The following TRNP1 variants were observed in gnomAD, a reference collection of about 807,000 sequenced individuals.
The protein encoded by TRNP1 is TMF1 regulated nuclear protein 1.
In TRNP1, 16 loss-of-function variants were observed where a neutral mutation model predicts 12.2. The observed-to-expected ratio is 1.31, with a 90% confidence interval of 0.89 to 1.99. The LOEUF is 1.99. Among genes scored for constraint, TRNP1 ranks in the 30% most tolerant of loss-of-function variants. TRNP1 has a pLI of 0.00. For synonymous variants in TRNP1, 139 were observed against 166.2 expected, an observed-to-expected ratio of 0.84 and a Z score of 1.26; for missense variants, 338 against 330.4, an observed-to-expected ratio of 1.02 and a Z score of -0.18.
intron 1 of TRNP1, among the ~76,000 whole-genome samples, chr1:26,995,301 C>T (rs568835160): frequency 6.6e-6 from 1 of 152,332 alleles, no homozygotes; most frequent in East Asian, 1.9e-4. Context: ...ACTAAGATGG[C>T]TCGGCCAGGT....
rs2082568342 is a variant in TRNP1, at chr1:27,000,698, C to A, written c.*994C>A. The A allele has an allele frequency of 6.6e-6, 1 of 152,412 alleles. No individual in the cohort carries two copies. The highest frequency in any genetic ancestry group is 2.1e-4 in the South Asian group (1 of 4,836). The allele number at this position is 152,412 out of a possible 1,614,324, so 9.4% of individuals were successfully genotyped here. A position where few individuals can be genotyped will look rare whatever the true frequency, so the allele number is the denominator to read the frequency against. On this transcript the variant is annotated 3_prime_UTR_variant, in exon 2 of 2. Transcript: ENST00000522111. The stretch of plus-strand genomic sequence containing the variant: ...GTTCACTTTGCAAGTGCCCTTGCTG[C>A]CTTTCCTCTGTGTCTATTATGGCTC...
chr1:26,999,241 G>A (rs957838422), intron 1 of TRNP1, among the ~76,000 whole-genome samples: 5 of 152,082 alleles, frequency 3.3e-5, no homozygotes, highest in African/African-American at 1.2e-4. Context: ...AAAATTAGCC[G>A]GGCGTGGTGG....
intron 1 of TRNP1, among the ~76,000 whole-genome samples, chr1:26,998,491 C>T (rs1428988088): frequency 6.6e-6 from 1 of 152,148 alleles, no homozygotes; most frequent in Non-Finnish European, 1.5e-5. Context: ...AGCCTGCAGC[C>T]GCTCCCCTGT....
intron 1 of TRNP1, among the ~76,000 whole-genome samples, chr1:26,995,102 CA>C (rs1288903106): frequency 6.6e-6 from 1 of 152,212 alleles, no homozygotes; most frequent in Non-Finnish European, 1.5e-5. Context: ...GACGGAATCC[CA>C]GAGAGGTTTA....
At position 26,994,333 on chromosome 1, in the gene TRNP1, G is replaced by C; in HGVS notation, c.547G>C (p.Ala183Pro). The change falls in exon 1 of 2, where the codon GCG becomes CCG. Residue 183 changes from alanine (A) to proline (P), a missense_variant. Coordinates refer to ENST00000522111, the MANE Select transcript of TRNP1 (RefSeq NM_001013642.3). This position sits in a 1 kb window ranked among gnomAD's most constrained non-coding sequence, Gnocchi z 6.9. The part of the protein sequence containing the change: ...PRRGRRGRPP[A>P]LLASALGLGG... ...CCGCGGCCGCCGCGGCCGACCCCCCGCGCTGCTGGCCTCGGCGCTGGGCCT... is the reference window on the plus strand; with the variant it reads ...CCGCGGCCGCCGCGGCCGACCCCCCCCGCTGCTGGCCTCGGCGCTGGGCCT... 9.1e-7 allele frequency: 1 copy of C among 1,099,132 alleles called. No homozygotes were observed. The highest frequency in any genetic ancestry group is 1.1e-6 in the Non-Finnish European group (1 of 904,356). The allele number at this position is 1,099,132 out of a possible 1,614,324, so 68.1% of individuals were successfully genotyped here.
chr1:26,993,892 C>G lies in TRNP1; in HGVS notation c.106C>G (p.Pro36Ala). 1 of 1,374,904 alleles carries G rather than the reference C, an allele frequency of 7.3e-7. No homozygotes were observed. The highest frequency in any genetic ancestry group is 9.3e-7 in the Non-Finnish European group (1 of 1,070,884). 85.2% of individuals were successfully genotyped at this position (1,374,904 alleles called of 1,614,324 possible). Reference protein sequence around the residue: ...PWDPMPSSQPPPPTPTLTPTP... With the variant: ...PWDPMPSSQPAPPTPTLTPTP... The stretch of plus-strand genomic sequence containing the variant: ...GGATCCCATGCCGTCCTCTCAGCCC[C>G]CGCCCCCAACTCCGACCTTGACTCC... The change falls in exon 1 of 2, where the codon CCG becomes GCG. Residue 36 changes from proline (P) to alanine (A), a missense_variant. Coordinates refer to ENST00000522111, the MANE Select transcript of TRNP1 (RefSeq NM_001013642.3).
intron 1 of TRNP1, among the ~76,000 whole-genome samples, chr1:26,997,318 GAAAAAAA>G (rs3028529): frequency 6.1e-5 from 5 of 81,844 alleles, no homozygotes; most frequent in Admixed American, 2.8e-4. Context: ...TGTGTCTCAA[GAAAAAAA>G]AAAAAAAAAA....
intron 1 of TRNP1, among the ~76,000 whole-genome samples, chr1:26,996,761 G>C (rs2082547161): frequency 6.6e-6 from 1 of 151,830 alleles, no homozygotes; most frequent in Non-Finnish European, 1.5e-5. Flanking sequence ...GGTGGGGTGG[G>C]TGAGTAGAGA....
At chr1:26,995,065 C>T (rs561472767) in intron 1 of TRNP1, among the ~76,000 whole-genome samples, 3 of 152,216 alleles carry the variant, frequency 2.0e-5, no homozygotes, top group Non-Finnish European at 4.4e-5. Flanking sequence ...CTGAATTCCC[C>T]CTCTAGGCCT....
chr1:26,994,152 G>A lies in TRNP1; in HGVS notation c.366G>A (p.Glu122=). 1 of 1,277,574 alleles carries A rather than the reference G, an allele frequency of 7.8e-7. No individual in the cohort carries two copies. Among genetic ancestry groups the A allele is most frequent in the Middle Eastern group, 3.0e-4 (1 of 3,344 alleles). 79.1% of individuals were successfully genotyped at this position (1,277,574 alleles called of 1,614,324 possible). Reference sequence around the variant, plus strand: ...AGGGCCGCCGGCGCCTGGTGTCGGAGCTGGAGAGCCGCGTGCTGCAGCTGC... The same window carrying A: ...AGGGCCGCCGGCGCCTGGTGTCGGAACTGGAGAGCCGCGTGCTGCAGCTGC... ...EVEGRRRLVS[E]LESRVLQLHR... The change falls in exon 1 of 2, where the codon GAG becomes GAA. Residue 122 remains glutamate, a synonymous_variant. Coordinates refer to ENST00000522111, the MANE Select transcript of TRNP1 (RefSeq NM_001013642.3). The surrounding 1 kb of genome is among the most constrained non-coding windows in gnomAD (Gnocchi z 6.9).
chr1:26,994,109 G>A lies in TRNP1; in HGVS notation c.323G>A (p.Arg108Gln), dbSNP rs922582774. The change falls in exon 1 of 2, where the codon CGG becomes CAG. Residue 108 changes from arginine (R) to glutamine (Q), a missense_variant. Arg to Gln is a conservative substitution (Grantham distance 43). Transcript: ENST00000522111. The surrounding 1 kb of genome is among the most constrained non-coding windows in gnomAD (Gnocchi z 6.9). ...GCGCTGGAGCTGGCCGAAGCACGGC[G>A]GCGGCTGCTGGAGGTGGAGGGCCGC... ...GRALELAEAR[R>Q]RLLEVEGRRR... The A allele has an allele frequency of 4.1e-6, 5 of 1,218,974 alleles. 1 individual carries two copies. Among genetic ancestry groups the A allele is most frequent in the Admixed American group, 8.7e-5 (2 of 22,972 alleles). 75.5% of individuals were successfully genotyped at this position (1,218,974 alleles called of 1,614,324 possible).
In TRNP1 at chr1:26,993,886, C is replaced by A. The variant is rs1238754589; in HGVS notation, c.100C>A (p.Gln34Lys). 4.4e-6 allele frequency: 6 copies of A among 1,374,426 alleles called. No homozygotes were observed. The highest frequency in any genetic ancestry group is 5.6e-6 in the Non-Finnish European group (6 of 1,071,160). The allele number at this position is 1,374,426 out of a possible 1,614,324, so 85.1% of individuals were successfully genotyped here. A position where few individuals can be genotyped will look rare whatever the true frequency, so the allele number is the denominator to read the frequency against. Residue 34 changes from glutamine to lysine, a missense_variant, in exon 1 of 2, where the codon CAG becomes AAG. Gln to Lys is a moderately conservative substitution (Grantham distance 53). Transcript: ENST00000522111. ...GCCCTGGGATCCCATGCCGTCCTCT[C>A]AGCCCCCGCCCCCAACTCCGACCTT... is the stretch of plus-strand genomic sequence containing the variant. ...PPPWDPMPSS[Q>K]PPPPTPTLTP... is the part of the protein sequence containing the mutation.
chr1:26,994,510 C>A lies in TRNP1; in HGVS notation c.*40C>A. 1 of 1,145,774 alleles carries A rather than the reference C, an allele frequency of 8.7e-7. No individual in the cohort carries two copies. Among genetic ancestry groups the A allele is most frequent in the Non-Finnish European group, 1.1e-6 (1 of 931,074 alleles). The allele number at this position is 1,145,774 out of a possible 1,614,324, so 71.0% of individuals were successfully genotyped here. ...CCCCTGGCCACCCCGACAAGCTTCG[C>A]CGAGGTGCCGACCGACCGACTGATC... is the stretch of plus-strand genomic sequence containing the variant. On this transcript the variant is annotated 3_prime_UTR_variant, in exon 1 of 2. Coordinates refer to ENST00000522111, the MANE Select transcript of TRNP1 (RefSeq NM_001013642.3). The surrounding 1 kb of genome is among the most constrained non-coding windows in gnomAD (Gnocchi z 6.9).
At chr1:26,995,921 C>T (rs1010347374) in intron 1 of TRNP1, among the ~76,000 whole-genome samples, 4 of 152,342 alleles carry the variant, frequency 2.6e-5, no homozygotes, top group Admixed American at 1.3e-4. Context: ...TGAGCCACTG[C>T]ACCTGGCTGA....
chr1:26,999,341 G>A (rs1189798752), intron 1 of TRNP1, among the ~76,000 whole-genome samples: 1 of 152,164 alleles, frequency 6.6e-6, no homozygotes, highest in Non-Finnish European at 1.5e-5. Flanking sequence ...CCGAAATCGC[G>A]CCAGTGTACT....
At chr1:26,996,993 C>T (rs2082548110) in intron 1 of TRNP1, among the ~76,000 whole-genome samples, 1 of 152,100 alleles carries the variant, frequency 6.6e-6, no homozygotes, top group South Asian at 2.1e-4. Flanking sequence ...CAAAAGGCAC[C>T]TCCCACACCT....
In TRNP1 at chr1:26,994,307, G is replaced by T; in HGVS notation, c.521G>T (p.Arg174Leu). 1 of 1,123,474 alleles carries T rather than the reference G, an allele frequency of 8.9e-7. No homozygotes were observed. The highest frequency in any genetic ancestry group is 1.1e-6 in the Non-Finnish European group (1 of 919,650). The allele number at this position is 1,123,474 out of a possible 1,614,324, so 69.6% of individuals were successfully genotyped here. Residue 174 changes from arginine to leucine, a missense_variant, in exon 1 of 2, where the codon CGC becomes CTC. By Grantham distance (102) the Arg-to-Leu change is moderately radical (BLOSUM62 -2). Transcript: ENST00000522111. The surrounding 1 kb of genome is among the most constrained non-coding windows in gnomAD (Gnocchi z 6.9). Reference protein sequence around the residue: ...AHGSRLKKGPRRGRRGRPPAL... With the variant: ...AHGSRLKKGPLRGRRGRPPAL... ...GGGTCGCGCCTCAAGAAGGGCCCGC[G>T]CCGCGGCCGCCGCGGCCGACCCCCC...
chr1:26,993,894 G>A lies in TRNP1; in HGVS notation c.108G>A (p.Pro36=). ...ATCCCATGCCGTCCTCTCAGCCCCCGCCCCCAACTCCGACCTTGACTCCTA... is the reference window on the plus strand; with the variant it reads ...ATCCCATGCCGTCCTCTCAGCCCCCACCCCCAACTCCGACCTTGACTCCTA... ...PWDPMPSSQP[P]PPTPTLTPTP... The change falls in exon 1 of 2, where the codon CCG becomes CCA. Residue 36 remains proline, a synonymous_variant. Coordinates refer to ENST00000522111, the MANE Select transcript of TRNP1 (RefSeq NM_001013642.3). 2.2e-6 allele frequency: 3 copies of A among 1,373,602 alleles called. No homozygotes were observed. Among genetic ancestry groups the A allele is most frequent in the Admixed American group, 3.7e-5 (1 of 27,340 alleles). 85.1% of individuals were successfully genotyped at this position (1,373,602 alleles called of 1,614,324 possible).
chr1:26,995,614 G>T (rs772989825), intron 1 of TRNP1, among the ~76,000 whole-genome samples: 4 of 152,176 alleles, frequency 2.6e-5, no homozygotes, highest in Non-Finnish European at 5.9e-5. Context: ...CTAAATCATG[G>T]AAAGATAATT....
Sources: allele counts gnomAD v4.1 joint callset (sites outside exome capture counted in the v4.1 genomes callset), GRCh38; gene constraint gnomAD v4.1.1; non-coding constraint Gnocchi (gnomAD v3.1); transcripts MANE v1.5; gene names NCBI Gene and HGNC (gene_info 2026-07-23, HGNC 2026-07-21).